RUNDC3B: variants seen among roughly 807,000 people sequenced by gnomAD.
RUNDC3B encodes the protein RUN domain-containing protein 3B.
A neutral mutation model predicts 58.4 loss-of-function variants in RUNDC3B; 33 were observed. That is an observed-to-expected ratio of 0.56 (90% CI 0.43 to 0.75). The LOEUF (loss-of-function observed/expected upper bound fraction) is 0.75. RUNDC3B is among the 30% of genes least tolerant of loss of function. RUNDC3B has a pLI of 0.00. For missense variants in RUNDC3B, 501 were observed against 535.7 expected (o/e 0.94, Z 0.64); for synonymous variants, 193 against 195.2 (o/e 0.99, Z 0.10).
rs538586059 is a variant in RUNDC3B at position 87,751,690 on chromosome 7, G to T, written c.629+10111G>T. Among the ~76,000 whole-genome samples the T allele has an allele frequency of 8.3e-4, 124 of 150,240 alleles. 1 individual carries two copies. Among genetic ancestry groups the T allele is most frequent in the Admixed American group, 2.7e-3 (40 of 15,070 alleles). ...GATTTGGCTCTCTGTTTGTCTGTTG[G>T]TGTATAAGAATGCTTGTGATTTTTG... On this transcript the variant is annotated intron_variant, in intron 6 of 10. Transcript: ENST00000394654.
chr7:87,746,355 G>C (rs1256490155), intron 6 of RUNDC3B, among the ~76,000 whole-genome samples: 1 of 152,110 alleles, frequency 6.6e-6, no homozygotes, highest in African/African-American at 2.4e-5. Context: ...TTGTTTCTTT[G>C]TTGACTTTCT....
chr7:87,656,703 A>C (rs7790798), intron 2 of RUNDC3B, among the ~76,000 whole-genome samples: 2,471 of 152,202 alleles, frequency 0.016, 72 homozygotes, highest in African/African-American at 0.056. Context: ...TAATTATTTA[A>C]TTTCATTTAT....
Position 87,828,455 on chromosome 7 carries a change from T to C in RUNDC3B, c.1226-1430T>C, listed in dbSNP as rs117007518. 1.8e-4 allele frequency among the ~76,000 whole-genome samples: 28 copies of C among 152,304 alleles called. No homozygotes were observed. In the East Asian group the frequency reaches 5.4e-3, roughly 29 times the overall value. On this transcript the variant is annotated intron_variant, in intron 10 of 10. Coordinates refer to ENST00000394654, the MANE Select transcript of RUNDC3B (RefSeq NM_001134405.2). ...GTATTCAGTGTTTAGCTCTCACTTA[T>C]AAGAGATTATATGTGGTATTTGGTT...
In RUNDC3B at chr7:87,821,453, T is replaced by C. The variant is rs553167781; in HGVS notation, c.1225+5191T>C. Among the ~76,000 whole-genome samples, 12 of 152,218 alleles carry C rather than the reference T, an allele frequency of 7.9e-5. No homozygotes were observed. The South Asian group carries it at 2.5e-3, about 32-fold the overall frequency. ...GTAGGAAGAGTCAATATTGTGAAAA[T>C]GGCCATACTGCCCAAGGTAATTTAC... is the stretch of plus-strand genomic sequence containing the variant. On this transcript the variant is annotated intron_variant, in intron 10 of 10. Transcript: ENST00000394654.
At chr7:87,817,962 T>G (rs1837163483) in intron 10 of RUNDC3B, among the ~76,000 whole-genome samples, 1 of 152,178 alleles carries the variant, frequency 6.6e-6, no homozygotes. Context: ...GTAAATATTG[T>G]GTCGAACTGA....
intron 3 of RUNDC3B, among the ~76,000 whole-genome samples, chr7:87,702,059 C>A (rs921187246): frequency 1.5e-5 from 2 of 135,546 alleles, no homozygotes; most frequent in Admixed American, 8.4e-5. Context: ...AGGAGAATGG[C>A]GTGAACCCAG....
intron 4 of RUNDC3B, among the ~76,000 whole-genome samples, chr7:87,727,587 A>G (rs1162148266): frequency 1.3e-5 from 2 of 151,938 alleles, no homozygotes; most frequent in Non-Finnish European, 2.9e-5. Context: ...CATTAGCTAC[A>G]TTTTTTTCCC....
chr7:87,741,810 A>G (rs200055529), intron 6 of RUNDC3B, among the ~76,000 whole-genome samples: 1 of 152,092 alleles, frequency 6.6e-6, no homozygotes, highest in Non-Finnish European at 1.5e-5. Context: ...CTAGTTTTTT[A>G]AAATAACAAA....
At position 87,628,601 on chromosome 7, in the gene RUNDC3B, G is replaced by A. The variant is rs971105334; in HGVS notation, c.-223G>A. 78 of 357,822 alleles carry A rather than the reference G, an allele frequency of 2.2e-4. No homozygotes were observed. In the East Asian group the frequency reaches 3.1e-3, roughly 14 times the overall value. The allele number at this position is 357,822 out of a possible 1,614,324, so 22.2% of individuals were successfully genotyped here. Reference sequence around the variant, plus strand: ...CGTGCGTGCGTGTGTGTGTGTGTGTGTGTGTGTGTGTGTGTGTGTGTGTGG... The same window carrying A: ...CGTGCGTGCGTGTGTGTGTGTGTGTATGTGTGTGTGTGTGTGTGTGTGTGG... On this transcript the variant is annotated 5_prime_UTR_variant, in exon 1 of 11. The change creates a new upstream start codon in the 5' untranslated region. Transcript: ENST00000394654.
In RUNDC3B at chr7:87,797,028, ATGGGACTAATG is replaced by A. The variant is rs1835857145; in HGVS notation, c.957-10342_957-10332del. 5.9e-5 allele frequency among the ~76,000 whole-genome samples: 9 copies of A among 152,220 alleles called. 1 individual carries two copies. The South Asian group carries it at 1.9e-3, about 32-fold the overall frequency. ...CCACATTTTGTTTTCTACATAATTT[ATGGGACTAATG>A]TGTTTAAAAGTAATATTAGTTTATG... On this transcript the variant is annotated intron_variant, in intron 8 of 10. Transcript: ENST00000394654.
chr7:87,716,694 A>G (rs1249365376), intron 4 of RUNDC3B, among the ~76,000 whole-genome samples: 1 of 152,230 alleles, frequency 6.6e-6, no homozygotes, highest in Non-Finnish European at 1.5e-5. Context: ...CTTTTTTGAT[A>G]AGATGTCTAG....
chr7:87,731,540 G>A (rs1023510164), intron 4 of RUNDC3B, among the ~76,000 whole-genome samples: 1 of 151,986 alleles, frequency 6.6e-6, no homozygotes, highest in Non-Finnish European at 1.5e-5. Context: ...CAGCTATAAA[G>A]ACATACATCC....
At chr7:87,791,570 G>A (rs1835523077) in intron 8 of RUNDC3B, among the ~76,000 whole-genome samples, 1 of 152,008 alleles carries the variant, frequency 6.6e-6, no homozygotes, top group African/African-American at 2.4e-5. Context: ...AAAAAGCAGG[G>A]GGATAAAGTT....
chr7:87,750,127 T>C (rs1333712633), intron 6 of RUNDC3B, among the ~76,000 whole-genome samples: 1 of 151,132 alleles, frequency 6.6e-6, no homozygotes, highest in Admixed American at 6.6e-5. Context: ...GAATATGTGG[T>C]GTTTGGTTTT....
intron 2 of RUNDC3B, among the ~76,000 whole-genome samples, chr7:87,668,988 G>A (rs912325571): frequency 5.9e-5 from 9 of 152,062 alleles, no homozygotes; most frequent in South Asian, 2.1e-4. Context: ...AGGTGTATCC[G>A]AGCCTTTTGG....
chr7:87,790,533 T>C (rs1163650130), intron 8 of RUNDC3B, among the ~76,000 whole-genome samples: 1 of 152,106 alleles, frequency 6.6e-6, no homozygotes, highest in Non-Finnish European at 1.5e-5. Flanking sequence ...TAGGGATATG[T>C]GAACTTAGAG....
intron 10 of RUNDC3B, among the ~76,000 whole-genome samples, chr7:87,826,825 T>C (rs1348252110): frequency 1.3e-5 from 2 of 152,038 alleles, no homozygotes; most frequent in Non-Finnish European, 2.9e-5. Context: ...ATAGTAACAA[T>C]AATGAAAACA....
intron 2 of RUNDC3B, among the ~76,000 whole-genome samples, chr7:87,679,037 A>G (rs1227407413): frequency 7.3e-6 from 1 of 137,664 alleles, no homozygotes; most frequent in Non-Finnish European, 1.6e-5. Flanking sequence ...TAAGGGTACA[A>G]ATGATCTTGG....
chr7:87,784,597 G>C (rs1273578192), intron 8 of RUNDC3B, among the ~76,000 whole-genome samples: 2 of 152,052 alleles, frequency 1.3e-5, no homozygotes, highest in Non-Finnish European at 2.9e-5. Context: ...CTGTGATGCA[G>C]TAGATGGCAT....
Sources: gnomAD v4.1 joint callset for allele counts (sites outside exome capture counted in the v4.1 genomes callset) on GRCh38, gnomAD v4.1.1 for gene constraint, MANE v1.5 for transcripts, NCBI Gene and HGNC (gene_info 2026-07-23, HGNC 2026-07-21) for gene names.